ARPC1B: variants seen among roughly 807,000 people sequenced by gnomAD.
ARPC1B encodes actin related protein 2/3 complex subunit 1B.
A neutral mutation model predicts 46.0 loss-of-function variants in ARPC1B; 29 were observed. That is an observed-to-expected ratio of 0.63 (90% CI 0.47 to 0.86). The LOEUF is 0.86. Ranked by LOEUF, ARPC1B falls within the 40% of genes least tolerant of loss-of-function variation. ARPC1B has a pLI of 0.00. For missense variants in ARPC1B, 469 were observed against 529.4 expected, an observed-to-expected ratio of 0.89 and a Z score of 1.12; for synonymous variants, 201 against 213.9, an observed-to-expected ratio of 0.94 and a Z score of 0.53.
At position 99,386,826 on chromosome 7, in the gene ARPC1B, A is replaced by T. The variant is rs1187737962; in HGVS notation, c.169+37A>T. ...TGGCTGGGACCACCGTCCTGAAAGG[A>T]GGTGGTGGGTTGGGGGGGTGGTGCA... On this transcript the variant is annotated intron_variant, in intron 3 of 9. Transcript: ENST00000646101. 3 of 1,523,464 alleles carry T rather than the reference A, an allele frequency of 2.0e-6. No individual in the cohort carries two copies. In the South Asian group the frequency reaches 3.4e-5, roughly 17 times the overall value. 94.4% of individuals were successfully genotyped at this position (1,523,464 alleles called of 1,614,324 possible).
At chr7:99,389,781 C>T (rs905758679) in intron 4 of ARPC1B, 124 bp from the exon 5 acceptor site, 17 of 812,528 alleles carry the variant, frequency 2.1e-5, no homozygotes, top group Non-Finnish European at 2.8e-5. Flanking sequence ...AATGCCCAGT[C>T]GCCTCTCTCC....
At chr7:99,377,947 C>A (rs1380760568) in intron 1 of ARPC1B, among the ~76,000 whole-genome samples, 1 of 151,998 alleles carries the variant, frequency 6.6e-6, no homozygotes, top group Non-Finnish European at 1.5e-5. Context: ...TAGGTCTTTT[C>A]TAATATTAAT....
At chr7:99,385,960 G>A (rs544241057) in intron 2 of ARPC1B, among the ~76,000 whole-genome samples, 182 bp downstream of exon 2, 1 of 152,298 alleles carries the variant, frequency 6.6e-6, no homozygotes, top group South Asian at 2.1e-4. Flanking sequence ...AAAGTTTAAG[G>A]AGGGAATGGG....
Position 99,391,084 on chromosome 7 carries a change from C to G in ARPC1B, c.692C>G (p.Ala231Gly). The change falls in exon 6 of 10, where the codon GCC (alanine) becomes GGC (glycine). Residue 231 changes from alanine (A) to glycine (G), a missense_variant. By Grantham distance (60) the Ala-to-Gly change is moderately conservative (BLOSUM62 0). Coordinates refer to ENST00000646101, the MANE Select transcript of ARPC1B (RefSeq NM_005720.4). Reference protein sequence around the residue: ...SHDSTVCLADADKKMAVATLA... With the variant: ...SHDSTVCLADGDKKMAVATLA... Reference sequence around the variant, plus strand: ...GACAGCACCGTCTGCCTGGCTGATGCCGACAAGAAGATGGCGTGAGTCGAG... The same window carrying G: ...GACAGCACCGTCTGCCTGGCTGATGGCGACAAGAAGATGGCGTGAGTCGAG... 6.2e-7 allele frequency: 1 copy of G among 1,613,442 alleles called. No homozygotes were observed. Among genetic ancestry groups the G allele is most frequent in the South Asian group, 1.1e-5 (1 of 90,980 alleles).
chr7:99,380,096 C>G (rs1022175304), intron 1 of ARPC1B, among the ~76,000 whole-genome samples: 3 of 152,150 alleles, frequency 2.0e-5, no homozygotes, highest in Non-Finnish European at 4.4e-5. Context: ...AAGCAGCCCT[C>G]GTATTTTTCT....
intron 7 of ARPC1B, 61 bp from the exon 8 acceptor site, chr7:99,392,610 C>G: frequency 1.4e-6 from 2 of 1,402,424 alleles, no homozygotes; most frequent in East Asian, 5.5e-5. Flanking sequence ...GCCCGCCTGG[C>G]CTTCCCTCCG....
chr7:99,387,222 G>A (rs1357394148), intron 3 of ARPC1B, among the ~76,000 whole-genome samples: 4 of 152,158 alleles, frequency 2.6e-5, no homozygotes, highest in Admixed American at 6.5e-5. Flanking sequence ...CGAGTGGATC[G>A]CTTGAGGTCA....
Position 99,392,778 on chromosome 7 carries a change from G to A in ARPC1B, c.891G>A (p.Thr297=), listed in dbSNP as rs943840182. ...AGCAGAGCTCGCAGCGTGGCTTGAC[G>A]GCCCGCGAGCGCTTCCAGAACCTGG... ...VPKQSSQRGL[T]ARERFQNLDK... Residue 297 remains threonine (T), a synonymous_variant, in exon 8 of 10, where the codon ACG becomes ACA. Transcript: ENST00000646101. 9 of 1,549,676 alleles carry A rather than the reference G, an allele frequency of 5.8e-6. No individual in the cohort carries two copies. The highest frequency in any genetic ancestry group is 3.9e-5 in the Admixed American group (2 of 50,980).
At chr7:99,380,054 C>G (rs886199513) in intron 1 of ARPC1B, among the ~76,000 whole-genome samples, 7 of 152,206 alleles carry the variant, frequency 4.6e-5, no homozygotes, top group Admixed American at 3.9e-4. Flanking sequence ...GGAGCCATCA[C>G]TGAGACCTTA....
chr7:99,384,954 A>ATT (rs753952597), intron 1 of ARPC1B, among the ~76,000 whole-genome samples: 1,190 of 67,424 alleles, frequency 0.018, 289 homozygotes, highest in African/African-American at 0.069. Context: ...CACCTGGCTA[A>ATT]TTTTTTTTTT....
At position 99,375,851 on chromosome 7, in the gene ARPC1B, C is replaced by T. The variant is rs1367286241; in HGVS notation, c.-14+1070C>T. ...TCGAGGTGGACGGATCACTTGAGGT[C>T]AGGAGTTCGAGACTAGCCTGACCGA... On this transcript the variant is annotated intron_variant, in intron 1 of 9. Transcript: ENST00000646101. 2.0e-5 allele frequency among the ~76,000 whole-genome samples: 3 copies of T among 152,130 alleles called. No individual in the cohort carries two copies. The South Asian group carries it at 6.2e-4, about 32-fold the overall frequency.
chr7:99,385,005 G>T (rs550870814), intron 1 of ARPC1B, among the ~76,000 whole-genome samples: 2 of 116,060 alleles, frequency 1.7e-5, no homozygotes, highest in African/African-American at 3.4e-5. Flanking sequence ...TCACTCTGTC[G>T]CCCAGGCTGG....
intron 1 of ARPC1B, among the ~76,000 whole-genome samples, chr7:99,384,741 C>T (rs929133295): frequency 1.3e-4 from 20 of 152,092 alleles, no homozygotes; most frequent in Non-Finnish European, 2.1e-4. Flanking sequence ...CCCTGCAGAC[C>T]GGCCACCTCC....
chr7:99,387,279 C>A (rs559766940), intron 3 of ARPC1B, among the ~76,000 whole-genome samples: 3 of 151,662 alleles, frequency 2.0e-5, no homozygotes, highest in Non-Finnish European at 4.4e-5. Flanking sequence ...TTGAAAAATA[C>A]AGAAATTAGC....
intron 7 of ARPC1B, among the ~76,000 whole-genome samples, chr7:99,391,823 G>T (rs1183030271): frequency 6.6e-6 from 1 of 151,388 alleles, no homozygotes; most frequent in Non-Finnish European, 1.5e-5. Flanking sequence ...AGGCCAAGGA[G>T]GGCAGATCAC....
At chr7:99,388,806 T>C (rs1202826879) in intron 4 of ARPC1B, 1 of 153,372 alleles carries the variant, frequency 6.5e-6, no homozygotes, top group South Asian at 2.0e-4. Flanking sequence ...ATAATTTTTA[T>C]ATTTTTAGTA....
intron 8 of ARPC1B, among the ~76,000 whole-genome samples, chr7:99,393,758 G>C (rs1794663214): frequency 6.6e-6 from 1 of 151,584 alleles, no homozygotes; most frequent in Non-Finnish European, 1.5e-5. Context: ...CTCCTTTTTT[G>C]TCCTGTCCAG....
Position 99,394,549 on chromosome 7 carries a change from G to A in ARPC1B, c.*60G>A, listed in dbSNP as rs1584415460. 2 of 1,613,056 alleles carry A rather than the reference G, an allele frequency of 1.2e-6. No individual in the cohort carries two copies. Among genetic ancestry groups the A allele is most frequent in the Admixed American group, 3.3e-5 (2 of 59,916 alleles). ...TGGGGAAGCGGGGAGAGGGGTCAGG[G>A]AGGCTAATGGTTGCTTTGCTGAATG... On this transcript the variant is annotated 3_prime_UTR_variant, in exon 10 of 10. Coordinates refer to ENST00000646101, the MANE Select transcript of ARPC1B (RefSeq NM_005720.4).
At chr7:99,386,424 C>T (rs1204897993) in intron 2 of ARPC1B, 17 of 580,018 alleles carry the variant, frequency 2.9e-5, no homozygotes, top group East Asian at 1.1e-4. Context: ...GCAGGAGCAG[C>T]GAAGGGTTCC....
Sources: allele counts gnomAD v4.1 joint callset (sites outside exome capture counted in the v4.1 genomes callset), GRCh38; gene constraint gnomAD v4.1.1; transcripts MANE v1.5; gene names NCBI Gene and HGNC (gene_info 2026-07-23, HGNC 2026-07-21).